The following KCNK13 variants were observed in gnomAD, a reference collection of about 807,000 sequenced individuals.
The protein encoded by KCNK13 is potassium two pore domain channel subfamily K member 13.
Under a neutral mutation model 23.4 loss-of-function variants are expected in KCNK13, and 12 were observed. The ratio of observed to expected loss-of-function variants is 0.51; its 90% CI spans 0.33 to 0.83. KCNK13 has a LOEUF of 0.83. Among genes scored for constraint, KCNK13 ranks in the 40% least tolerant of loss-of-function variants. The pLI, the probability that KCNK13 is intolerant of heterozygous loss-of-function variation, is 0.02. For missense variants in KCNK13, 463 were observed against 556.3 expected (o/e 0.83, Z 1.69); for synonymous variants, 231 against 229.5 (o/e 1.01, Z -0.06).
At chr14:90,118,183 T>C (rs3850393) in intron 1 of KCNK13, among the ~76,000 whole-genome samples, 119,472 of 152,112 alleles carry the variant, frequency 0.79, 46,986 homozygotes, top group African/African-American at 0.81. Context: ...AAGGCACCGT[T>C]ACCCATCATG....
intron 1 of KCNK13, among the ~76,000 whole-genome samples, chr14:90,176,048 A>T (rs1890419078): frequency 6.6e-6 from 1 of 152,324 alleles, no homozygotes; most frequent in Non-Finnish European, 1.5e-5. Context: ...GTCATCCAAG[A>T]TTCAAGGAGA....
intron 1 of KCNK13, among the ~76,000 whole-genome samples, chr14:90,077,029 C>A (rs1237823891): frequency 6.6e-6 from 1 of 150,620 alleles, no homozygotes; most frequent in Non-Finnish European, 1.5e-5. Flanking sequence ...CCATGTTAGC[C>A]AGGATGGTCT....
chr14:90,079,185 G>A (rs1156344253), intron 1 of KCNK13, among the ~76,000 whole-genome samples: 2 of 152,134 alleles, frequency 1.3e-5, no homozygotes, highest in African/African-American at 2.4e-5. Flanking sequence ...ATGGAGGAAA[G>A]GGAGAGCGAG....
At chr14:90,123,911 G>GT (rs1889767476) in intron 1 of KCNK13, among the ~76,000 whole-genome samples, 2 of 152,154 alleles carry the variant, frequency 1.3e-5, no homozygotes, top group Admixed American at 1.3e-4. Context: ...CACCTGGGCG[G>GT]TTTTTAACAG....
intron 1 of KCNK13, among the ~76,000 whole-genome samples, chr14:90,093,197 C>T (rs1889369578): frequency 6.6e-6 from 1 of 152,162 alleles, no homozygotes; most frequent in Non-Finnish European, 1.5e-5. Flanking sequence ...GCACAGCCAG[C>T]AGAAAGAGAG....
Position 90,184,799 on chromosome 14 carries a change from G to T in KCNK13, c.1023G>T (p.Arg341=), listed in dbSNP as rs1457429443. The change falls in exon 2 of 2, where the codon CGG becomes CGT. Residue 341 remains arginine, a synonymous_variant. Coordinates refer to ENST00000282146, the MANE Select transcript of KCNK13 (RefSeq NM_022054.4). This position sits in a 1 kb window ranked among gnomAD's most constrained non-coding sequence, Gnocchi z 5.6. The part of the protein sequence containing the change: ...GVAESDTDGR[R]LSGEMISMKD... Reference sequence around the variant, plus strand: ...CAGAGAGTGACACGGACGGGCGCCGGCTCTCAGGGGAGATGATCTCCATGA... The same window carrying T: ...CAGAGAGTGACACGGACGGGCGCCGTCTCTCAGGGGAGATGATCTCCATGA... 2 of 1,612,362 alleles carry T rather than the reference G, an allele frequency of 1.2e-6. No individual in the cohort carries two copies. The highest frequency in any genetic ancestry group is 1.7e-6 in the Non-Finnish European group (2 of 1,178,606).
intron 1 of KCNK13, among the ~76,000 whole-genome samples, chr14:90,074,979 AG>A (rs2140391346): frequency 6.6e-6 from 1 of 152,320 alleles, no homozygotes; most frequent in South Asian, 2.1e-4. Flanking sequence ...CCATCTCTTT[AG>A]TTGTAATCTT....
intron 1 of KCNK13, among the ~76,000 whole-genome samples, chr14:90,072,640 C>T (rs1889089936): frequency 1.3e-5 from 2 of 152,188 alleles, no homozygotes; most frequent in Admixed American, 1.3e-4. Context: ...CTTGCATGCA[C>T]TTATTTCTAA....
At chr14:90,155,878 G>C (rs1408385923) in intron 1 of KCNK13, among the ~76,000 whole-genome samples, 1 of 152,124 alleles carries the variant, frequency 6.6e-6, no homozygotes, top group Non-Finnish European at 1.5e-5. Context: ...CGAGTATGGA[G>C]TTCGGCAGAA....
intron 1 of KCNK13, among the ~76,000 whole-genome samples, chr14:90,173,444 C>T (rs910020874): frequency 2.6e-5 from 4 of 152,148 alleles, no homozygotes; most frequent in Non-Finnish European, 5.9e-5. Context: ...CTTTGCTGAA[C>T]ATATTCATAT....
At chr14:90,162,440 T>C (rs1243335039) in intron 1 of KCNK13, among the ~76,000 whole-genome samples, 1 of 152,154 alleles carries the variant, frequency 6.6e-6, no homozygotes, top group African/African-American at 2.4e-5. Flanking sequence ...TTGGATTGTA[T>C]CAATGTCAAT....
intron 1 of KCNK13, among the ~76,000 whole-genome samples, chr14:90,180,968 T>C (rs1369737868): frequency 1.3e-5 from 2 of 152,226 alleles, no homozygotes; most frequent in African/African-American, 4.8e-5. Context: ...GTGATTCTCC[T>C]GCCACAGCCT....
At chr14:90,139,829 G>A (rs771744259) in intron 1 of KCNK13, among the ~76,000 whole-genome samples, 3 of 152,144 alleles carry the variant, frequency 2.0e-5, no homozygotes, top group Non-Finnish European at 2.9e-5. Context: ...GGGCGTCATG[G>A]CACACGCCTG....
intron 1 of KCNK13, among the ~76,000 whole-genome samples, chr14:90,106,796 T>A (rs1889548692): frequency 6.6e-6 from 1 of 150,388 alleles, no homozygotes; most frequent in Non-Finnish European, 1.5e-5. Flanking sequence ...CCAAGGTGCA[T>A]GGATTGTTTG....
At chr14:90,106,967 G>A (rs550571237) in intron 1 of KCNK13, among the ~76,000 whole-genome samples, 81 of 152,332 alleles carry the variant, frequency 5.3e-4, no homozygotes, top group African/African-American at 1.9e-3. Context: ...GTTGCAGTGA[G>A]CTGAGATCGC....
rs1269359144 is a variant in KCNK13, at chr14:90,185,637, A to G, written c.*634A>G. 6.6e-6 allele frequency: 1 copy of G among 152,218 alleles called. No homozygotes were observed. The highest frequency in any genetic ancestry group is 1.5e-5 in the Non-Finnish European group (1 of 68,050). The allele number at this position is 152,218 out of a possible 1,614,324, so 9.4% of individuals were successfully genotyped here. A position where few individuals can be genotyped will look rare whatever the true frequency, so the allele number is the denominator to read the frequency against. ...TGTGAGACCTCAATGTAATAAGAAA[A>G]TTAAATTCAGCTTCAGGCCTTTAAA... On this transcript the variant is annotated 3_prime_UTR_variant, in exon 2 of 2. Transcript: ENST00000282146.
chr14:90,163,308 A>G (rs1185506141), intron 1 of KCNK13, among the ~76,000 whole-genome samples: 1 of 152,244 alleles, frequency 6.6e-6, no homozygotes, highest in Non-Finnish European at 1.5e-5. Flanking sequence ...AATTCATTTT[A>G]GAGCCTATTT....
At chr14:90,146,852 C>T (rs1890079226) in intron 1 of KCNK13, among the ~76,000 whole-genome samples, 2 of 151,900 alleles carry the variant, frequency 1.3e-5, no homozygotes, top group Admixed American at 1.3e-4. Context: ...TCTTTTTCCT[C>T]ATTTTCTGCC....
At chr14:90,077,653 T>C (rs1248067333) in intron 1 of KCNK13, among the ~76,000 whole-genome samples, 2 of 152,250 alleles carry the variant, frequency 1.3e-5, no homozygotes, top group East Asian at 3.8e-4. Context: ...GACAGTGCTT[T>C]CAGCAGATAC....
Sources: allele counts gnomAD v4.1 joint callset (sites outside exome capture counted in the v4.1 genomes callset), GRCh38; gene constraint gnomAD v4.1.1; non-coding constraint Gnocchi (gnomAD v3.1); transcripts MANE v1.5; gene names NCBI Gene and HGNC (gene_info 2026-07-23, HGNC 2026-07-21).